HLCS: variants seen among roughly 807,000 people sequenced by gnomAD.
HLCS encodes holocarboxylase synthetase, also known as biotin--protein ligase.
Under a neutral mutation model 75.0 loss-of-function variants are expected in HLCS, and 53 were observed. The ratio of observed to expected loss-of-function variants is 0.71; its 90% CI spans 0.57 to 0.89. The LOEUF is 0.89. Among genes scored for constraint, HLCS ranks in the 40% least tolerant of loss-of-function variants. HLCS has a pLI of 0.00. For missense variants in HLCS, 966 were observed against 1,074.0 expected, an observed-to-expected ratio of 0.90 and a Z score of 1.41; for synonymous variants, 431 against 428.6, an observed-to-expected ratio of 1.01 and a Z score of -0.07.
In HLCS at chr21:36,988,473, T is replaced by C. The variant is rs137960543; in HGVS notation, c.-393+1685A>G. On this transcript the variant is annotated intron_variant, in intron 1 of 11. Transcript: ENST00000336648. ...TGCCTATGTATTGGCACTGAAGTTG[T>C]TTCCAAAATTTTGCCATTGCAAACA... is the stretch of plus-strand genomic sequence containing the variant. Among the ~76,000 whole-genome samples, 3 of 152,316 alleles carry C rather than the reference T, an allele frequency of 2.0e-5. No individual in the cohort carries two copies. The East Asian group carries it at 5.8e-4, about 29-fold the overall frequency.
intron 10 of HLCS, 42 bp from the exon 11 acceptor site, chr21:36,754,459 A>G: frequency 6.3e-7 from 1 of 1,587,992 alleles, no homozygotes; most frequent in Non-Finnish European, 8.6e-7. Flanking sequence ...GAGGTGTCAC[A>G]GGACGACTTA....
At chr21:36,932,694 T>C (rs2066700001) in intron 4 of HLCS, among the ~76,000 whole-genome samples, 2 of 152,222 alleles carry the variant, frequency 1.3e-5, no homozygotes, top group South Asian at 4.1e-4. Flanking sequence ...CTTTGCCTAC[T>C]GTATGCAAAG....
At chr21:36,811,595 T>C (rs905828947) in intron 6 of HLCS, among the ~76,000 whole-genome samples, 1 of 152,226 alleles carries the variant, frequency 6.6e-6, no homozygotes, top group African/African-American at 2.4e-5. Context: ...ACAGTGGAAC[T>C]TGGCAGATGG....
intron 2 of HLCS, among the ~76,000 whole-genome samples, chr21:36,951,666 T>C (rs1324637714): frequency 6.6e-6 from 1 of 152,220 alleles, no homozygotes; most frequent in Non-Finnish European, 1.5e-5. Flanking sequence ...CAATCTGGCA[T>C]ATAACAGGCA....
intron 5 of HLCS, 46 bp downstream of exon 5, chr21:36,930,205 A>T: frequency 1.3e-6 from 2 of 1,532,572 alleles, no homozygotes; most frequent in Non-Finnish European, 1.8e-6. Flanking sequence ...CACTGTGAAG[A>T]GGGCCACGTC....
chr21:36,854,206 G>A (rs964566030), intron 6 of HLCS, among the ~76,000 whole-genome samples: 7 of 152,182 alleles, frequency 4.6e-5, no homozygotes, highest in African/African-American at 1.4e-4. Flanking sequence ...AGCTTTTGAT[G>A]AGAACTGTTA....
rs1569150077 is a variant in HLCS at position 36,888,485 on chromosome 21, TA to T, written c.1892+8374del. ...ATATATATATATATATATATATATA[TA>T]TATATATATATTTATTTATTTATTT... On this transcript the variant is annotated intron_variant, in intron 6 of 10. Coordinates refer to ENST00000674895, the MANE Select transcript of HLCS (RefSeq NM_001352514.2). 2.2e-3 allele frequency among the ~76,000 whole-genome samples: 270 copies of T among 124,846 alleles called. 5 individuals carry two copies. Among genetic ancestry groups the T allele is most frequent in the Middle Eastern group, 4.3e-3 (1 of 232 alleles). The allele number at this position is 124,846 out of a possible 152,430, so 81.9% of individuals were successfully genotyped here.
At chr21:36,897,255 G>A (rs765414287) in intron 5 of HLCS, 124 bp from the exon 6 acceptor site, 179 of 896,368 alleles carry the variant, frequency 2.0e-4, no homozygotes, top group Non-Finnish European at 2.6e-4. Flanking sequence ...AGAAAAGCTA[G>A]ATTAACATAT....
chr21:36,881,815 G>A lies in HLCS; in HGVS notation c.1892+15045C>T, dbSNP rs73389304. On this transcript the variant is annotated intron_variant, in intron 6 of 10. Transcript: ENST00000674895. ...CTCTGAGAAGGCTCCCAGGACCCAT[G>A]TGGACAGGGGGGCTCTGCACCATTT... Among the ~76,000 whole-genome samples the A allele has an allele frequency of 7.2e-3, 1,093 of 152,320 alleles. 11 individuals are homozygous for A. Among genetic ancestry groups the A allele is most frequent in the African/African-American group, 0.025 (1,053 of 41,578 alleles).
chr21:36,833,808 G>A (rs1331536953), intron 6 of HLCS, among the ~76,000 whole-genome samples: 2 of 152,088 alleles, frequency 1.3e-5, no homozygotes, highest in African/African-American at 2.4e-5. Context: ...AATGACTACT[G>A]GAACAACTGC....
intron 6 of HLCS, among the ~76,000 whole-genome samples, chr21:36,861,962 G>A (rs2063396329): frequency 6.6e-6 from 1 of 151,958 alleles, no homozygotes; most frequent in African/African-American, 2.4e-5. Flanking sequence ...CCAATCTCCT[G>A]GCAACCACTG....
At chr21:36,928,374 G>A (rs1401176212) in intron 5 of HLCS, among the ~76,000 whole-genome samples, 1 of 152,120 alleles carries the variant, frequency 6.6e-6, no homozygotes, top group Non-Finnish European at 1.5e-5. Context: ...TTCAAGACCA[G>A]CCTGGGCAAC....
At chr21:36,755,918 A>G (rs1450077082) in intron 10 of HLCS, among the ~76,000 whole-genome samples, 1 of 152,218 alleles carries the variant, frequency 6.6e-6, no homozygotes, top group Admixed American at 6.5e-5. Flanking sequence ...GGAAGGTTTG[A>G]CAATTTAGAT....
chr21:36,800,489 G>T (rs527437854), intron 6 of HLCS, among the ~76,000 whole-genome samples: 1 of 152,126 alleles, frequency 6.6e-6, no homozygotes, highest in African/African-American at 2.4e-5. Flanking sequence ...TGCCGGTACC[G>T]CTCTTGGCAG....
Position 36,750,736 on chromosome 21 carries a change from C to T in HLCS, c.*3510G>A, listed in dbSNP as rs73398117. ...CTTGGAATTTTAGTGAATCATGGCC[C>T]TTGTGTTATCTAGAATGCTAATTAT... On this transcript the variant is annotated 3_prime_UTR_variant, in exon 11 of 11. Coordinates refer to ENST00000674895, the MANE Select transcript of HLCS (RefSeq NM_001352514.2). Among the ~76,000 whole-genome samples, 497 of 150,458 alleles carry T rather than the reference C, an allele frequency of 3.3e-3. 5 individuals are homozygous for T. The highest frequency in any genetic ancestry group is 0.011 in the African/African-American group (468 of 40,794).
chr21:36,803,467 G>A (rs2061269407), intron 6 of HLCS, among the ~76,000 whole-genome samples: 2 of 152,242 alleles, frequency 1.3e-5, no homozygotes, highest in South Asian at 4.1e-4. Context: ...GCGACCTTGT[G>A]TGCAGAAGTT....
At chr21:36,975,310 CCTCTGCA>C (rs963866713) in intron 1 of HLCS, 10 of 152,428 alleles carry the variant, frequency 6.6e-5, no homozygotes, top group African/African-American at 2.4e-4. Flanking sequence ...GTAGGCGGGA[CCTCTGCA>C]CAGTCTCACA....
chr21:36,756,913 T>G, intron 9 of HLCS, 158 bp from the exon 10 acceptor site: 1 of 985,438 alleles, frequency 1.0e-6, no homozygotes, highest in Non-Finnish European at 1.2e-6. Context: ...GTGACATGTA[T>G]TTCTGTCCAT....
chr21:36,911,274 T>G (rs1267360029), intron 5 of HLCS, among the ~76,000 whole-genome samples: 1 of 152,046 alleles, frequency 6.6e-6, no homozygotes, highest in African/African-American at 2.4e-5. Context: ...TCCCCTGGCC[T>G]CTGGGTTAGA....
Sources: gnomAD v4.1 joint callset for allele counts (sites outside exome capture counted in the v4.1 genomes callset) on GRCh38, gnomAD v4.1.1 for gene constraint, MANE v1.5 for transcripts, NCBI Gene and HGNC (gene_info 2026-07-23, HGNC 2026-07-21) for gene names.